Variants in PLCH1 observed in about 807,000 individuals in gnomAD.
PLCH1 encodes the protein 1-phosphatidylinositol 4,5-bisphosphate phosphodiesterase eta-1.
Under a neutral mutation model 126.7 loss-of-function variants are expected in PLCH1, and 60 were observed. The observed-to-expected ratio is 0.47, with a 90% CI of 0.38 to 0.59. PLCH1 has a LOEUF of 0.59. Ranked by LOEUF, PLCH1 falls within the 20% of genes least tolerant of loss-of-function variation. The pLI, the probability that PLCH1 is intolerant of heterozygous loss-of-function variation, is 0.00. For missense variants in PLCH1, 1,723 were observed against 2,040.0 expected (o/e 0.84, Z 2.99); for synonymous variants, 719 against 734.9 (o/e 0.98, Z 0.35).
At chr3:155,497,181 T>C (rs75533023) in intron 15 of PLCH1, 139 bp downstream of exon 15, 9,376 of 606,680 alleles carry the variant, frequency 0.015, 186 homozygotes, top group African/African-American at 0.067. Flanking sequence ...AGCAGTGAGT[T>C]TCCTGACACT....
At chr3:155,468,576 A>C (rs375433805) in intron 21 of PLCH1, among the ~76,000 whole-genome samples, 2 of 152,234 alleles carry the variant, frequency 1.3e-5, no homozygotes, top group Non-Finnish European at 2.9e-5. Flanking sequence ...GAAACCAAAA[A>C]AGAGCAGGAG....
chr3:155,616,375 C>A (rs145215491), intron 2 of PLCH1, among the ~76,000 whole-genome samples: 1 of 152,068 alleles, frequency 6.6e-6, no homozygotes, highest in African/African-American at 2.4e-5. Flanking sequence ...GTGAGCAAGA[C>A]GACTAAAATT....
At chr3:155,702,278 A>C (rs1163868721) in intron 2 of PLCH1, among the ~76,000 whole-genome samples, 1 of 152,262 alleles carries the variant, frequency 6.6e-6, no homozygotes, top group Non-Finnish European at 1.5e-5. Flanking sequence ...AAGACCGTAC[A>C]CTGCTAGTCA....
At chr3:155,629,329 G>A (rs1737748908) in intron 2 of PLCH1, among the ~76,000 whole-genome samples, 1 of 152,168 alleles carries the variant, frequency 6.6e-6, no homozygotes, top group South Asian at 2.1e-4. Flanking sequence ...CCTAAGCAAT[G>A]TGGCCTAATC....
chr3:155,477,368 G>A (rs576160125), downstream of PLCH1, among the ~76,000 whole-genome samples: 10 of 151,778 alleles, frequency 6.6e-5, no homozygotes, highest in Non-Finnish European at 1.0e-4. Flanking sequence ...CCACAAGCAC[G>A]GGCAACCAAA....
intron 10 of PLCH1, among the ~76,000 whole-genome samples, chr3:155,538,677 C>CA (rs928705431): frequency 7.2e-5 from 11 of 152,048 alleles, no homozygotes; most frequent in Non-Finnish European, 1.2e-4. Flanking sequence ...TGGAAATATA[C>CA]AATCCTCGGA....
chr3:155,690,289 G>T (rs930494603), intron 2 of PLCH1, among the ~76,000 whole-genome samples: 6 of 152,110 alleles, frequency 3.9e-5, no homozygotes, highest in African/African-American at 1.4e-4. Context: ...TCACAAAAAG[G>T]GTAAGGAATA....
chr3:155,547,745 A>G (rs1576981534), intron 10 of PLCH1, among the ~76,000 whole-genome samples: 1 of 151,874 alleles, frequency 6.6e-6, no homozygotes, highest in Non-Finnish European at 1.5e-5. Context: ...TTGTAGGGAC[A>G]TGGATGAAAT....
chr3:155,659,830 C>T (rs1157029591), intron 2 of PLCH1, among the ~76,000 whole-genome samples: 1 of 151,994 alleles, frequency 6.6e-6, no homozygotes, highest in Admixed American at 6.6e-5. Flanking sequence ...GATGGAGTCT[C>T]ACTATGTTGG....
At position 155,481,677 on chromosome 3, in the gene PLCH1, C is replaced by G. The variant is rs2108004330; in HGVS notation, c.4349G>C (p.Cys1450Ser). The change falls in exon 23 of 23, where the codon TGT (cysteine) becomes TCT (serine). Residue 1450 changes from cysteine (C) to serine (S), a missense_variant. Physicochemically the swap from Cys to Ser is moderately radical, Grantham distance 112. Transcript: ENST00000460012. This position sits in a 1 kb window ranked among gnomAD's most constrained non-coding sequence, Gnocchi z 4.2. ...SDSDAKMFQT[C>S]VPQQSSAQDM... Reference sequence around the variant, plus strand: ...TTGAGCACTAGATTGCTGGGGCACACAGGTCTGGAACATTTTTGCATCTGA... The same window carrying G: ...TTGAGCACTAGATTGCTGGGGCACAGAGGTCTGGAACATTTTTGCATCTGA... The G allele has an allele frequency of 1.2e-6, 2 of 1,614,154 alleles. No individual in the cohort carries two copies. Among genetic ancestry groups the G allele is most frequent in the Non-Finnish European group, 1.7e-6 (2 of 1,180,030 alleles).
At chr3:155,666,496 A>G (rs1191775516) in intron 2 of PLCH1, among the ~76,000 whole-genome samples, 1 of 152,240 alleles carries the variant, frequency 6.6e-6, no homozygotes, top group Non-Finnish European at 1.5e-5. Flanking sequence ...AATTTATACA[A>G]CTGGGCTAAG....
chr3:155,724,934 T>G (rs1748213188), intron 1 of PLCH1, among the ~76,000 whole-genome samples: 3 of 152,048 alleles, frequency 2.0e-5, no homozygotes, highest in Non-Finnish European at 4.4e-5. Flanking sequence ...TTTCAAAATT[T>G]AGAGCTCCTT....
At chr3:155,502,039 C>T (rs1356880399) in intron 13 of PLCH1, among the ~76,000 whole-genome samples, 1 of 152,176 alleles carries the variant, frequency 6.6e-6, no homozygotes, top group African/African-American at 2.4e-5. Context: ...ACAAGCTACA[C>T]TGTTGGCATA....
chr3:155,704,559 C>A (rs1209766145), intron 1 of PLCH1, among the ~76,000 whole-genome samples: 2 of 152,180 alleles, frequency 1.3e-5, no homozygotes, highest in Non-Finnish European at 1.5e-5. Context: ...GTTTCAGGAC[C>A]AGTATATGTG....
intron 22 of PLCH1, 94 bp downstream of exon 22, chr3:155,485,262 T>C: frequency 1.3e-6 from 1 of 754,258 alleles, no homozygotes; most frequent in Non-Finnish European, 2.2e-6. Context: ...ATATTTTACT[T>C]TGACTACAGA....
chr3:155,582,473 A>G (rs1330876008), intron 6 of PLCH1, among the ~76,000 whole-genome samples: 2 of 152,192 alleles, frequency 1.3e-5, no homozygotes, highest in African/African-American at 4.8e-5. Context: ...TAATATCTCA[A>G]TAAAGCCTTT....
intron 5 of PLCH1, 152 bp from the exon 6 acceptor site, chr3:155,583,794 A>C (rs770506991): frequency 1.4e-4 from 75 of 532,964 alleles, no homozygotes; most frequent in Non-Finnish European, 2.1e-4. Context: ...TCAAGCACAC[A>C]TGGAACATTA....
At chr3:155,664,862 C>T (rs988815719) in intron 2 of PLCH1, among the ~76,000 whole-genome samples, 1 of 152,028 alleles carries the variant, frequency 6.6e-6, no homozygotes, top group Non-Finnish European at 1.5e-5. Flanking sequence ...AATTAATTTC[C>T]TTAAGTCATC....
intron 1 of PLCH1, among the ~76,000 whole-genome samples, chr3:155,732,562 C>T (rs1471894687): frequency 2.7e-5 from 4 of 150,684 alleles, no homozygotes; most frequent in African/African-American, 7.3e-5. Flanking sequence ...AGTAAAGTTG[C>T]AGGATACAAA....
Sources: gnomAD v4.1 joint callset for allele counts (sites outside exome capture counted in the v4.1 genomes callset) on GRCh38, gnomAD v4.1.1 for gene constraint, Gnocchi (gnomAD v3.1) non-coding constraint, MANE v1.5 for transcripts, NCBI Gene and HGNC (gene_info 2026-07-23, HGNC 2026-07-21) for gene names.